The following SUCLG2 variants were observed in gnomAD, a reference collection of about 807,000 sequenced individuals.
The protein encoded by SUCLG2 is succinate-CoA ligase GDP-forming subunit beta, also known as succinate--CoA ligase [GDP-forming] subunit beta, mitochondrial.
Under a neutral mutation model 47.9 loss-of-function variants are expected in SUCLG2, and 42 were observed. The observed-to-expected ratio is 0.88, with a 90% confidence interval of 0.69 to 1.14. SUCLG2 has a LOEUF of 1.14. Ranked by LOEUF, SUCLG2 falls within the 50% of genes most tolerant of loss-of-function variation. The pLI is 0.00. For synonymous variants in SUCLG2, 195 were observed against 197.3 expected (o/e 0.99, Z 0.10); for missense variants, 571 against 525.9 (o/e 1.09, Z -0.84).
intron 9 of SUCLG2, among the ~76,000 whole-genome samples, chr3:67,434,946 A>G (rs1331518598): frequency 6.6e-6 from 1 of 152,210 alleles, no homozygotes; most frequent in Admixed American, 6.5e-5. Flanking sequence ...TAAGTTCTTC[A>G]CCAGTAACTA....
intron 6 of SUCLG2, among the ~76,000 whole-genome samples, chr3:67,511,497 G>A (rs1040658010): frequency 1.3e-5 from 2 of 152,032 alleles, no homozygotes; most frequent in African/African-American, 4.8e-5. Flanking sequence ...TATAAAGGGG[G>A]GGTTCCTCTG....
intron 2 of SUCLG2, among the ~76,000 whole-genome samples, chr3:67,567,297 AT>A (rs36047981): frequency 0.52 from 76,367 of 148,082 alleles, 19,476 homozygotes; most frequent in Admixed American, 0.57. Flanking sequence ...CTATATCAGG[AT>A]TTTTTTTTTT....
At chr3:67,467,867 C>T (rs554582517) in intron 9 of SUCLG2, among the ~76,000 whole-genome samples, 5 of 152,108 alleles carry the variant, frequency 3.3e-5, no homozygotes, top group African/African-American at 9.6e-5. Flanking sequence ...GGAAACAGAG[C>T]GGGAATTCCA....
chr3:67,560,739 C>G (rs191491582), intron 2 of SUCLG2, among the ~76,000 whole-genome samples: 1 of 152,118 alleles, frequency 6.6e-6, no homozygotes. Flanking sequence ...CTAGTGCCTC[C>G]TCCAAGTAAC....
chr3:67,488,480 A>G lies in SUCLG2; in HGVS notation c.1062+7318T>C, dbSNP rs570852293. On this transcript the variant is annotated intron_variant, in intron 9 of 10. Transcript: ENST00000307227. Reference sequence around the variant, plus strand: ...TGCTATACAGGAAAGGAATCAGTCCAAAGGATTTCAGCCTTGTTCTTCTGA... The same window carrying G: ...TGCTATACAGGAAAGGAATCAGTCCGAAGGATTTCAGCCTTGTTCTTCTGA... 2.6e-5 allele frequency among the ~76,000 whole-genome samples: 4 copies of G among 152,350 alleles called. No individual in the cohort carries two copies. The South Asian group carries it at 6.2e-4, about 24-fold the overall frequency.
At chr3:67,387,805 T>C (rs1702292767) in intron 10 of SUCLG2, among the ~76,000 whole-genome samples, 1 of 152,196 alleles carries the variant, frequency 6.6e-6, no homozygotes, top group Non-Finnish European at 1.5e-5. Flanking sequence ...CAGATTTGAA[T>C]CTTTTAACTA....
chr3:67,506,417 A>T lies in SUCLG2; in HGVS notation c.757+2390T>A, dbSNP rs189105362. Among the ~76,000 whole-genome samples, 90 of 152,362 alleles carry T rather than the reference A, an allele frequency of 5.9e-4. 1 individual carries two copies. The East Asian group carries it at 0.011, about 19-fold the overall frequency. ...AATAACTAAAGATAATTTTGCTCTT[A>T]AAAATATCACATAAGACTTATGTTT... On this transcript the variant is annotated intron_variant, in intron 7 of 10. Transcript: ENST00000307227.
chr3:67,363,107 A>G (rs1701827524), intron 10 of SUCLG2, among the ~76,000 whole-genome samples: 1 of 152,226 alleles, frequency 6.6e-6, no homozygotes, highest in Non-Finnish European at 1.5e-5. Flanking sequence ...CCAAACCCAA[A>G]TAAAGACATG....
chr3:67,614,551 C>A (rs1188729975), intron 1 of SUCLG2, among the ~76,000 whole-genome samples: 1 of 151,916 alleles, frequency 6.6e-6, no homozygotes, highest in East Asian at 1.9e-4. Flanking sequence ...ATCTTTCCGG[C>A]CCTTTGTTAA....
intron 9 of SUCLG2, among the ~76,000 whole-genome samples, chr3:67,435,032 C>G (rs1350995923): frequency 6.6e-6 from 1 of 152,116 alleles, no homozygotes; most frequent in Non-Finnish European, 1.5e-5. Flanking sequence ...CAAGGTCAAT[C>G]GTATAATAGC....
chr3:67,453,178 T>C (rs569983266), intron 9 of SUCLG2, among the ~76,000 whole-genome samples: 1 of 152,312 alleles, frequency 6.6e-6, no homozygotes, highest in African/African-American at 2.4e-5. Flanking sequence ...ATTTTCCTTT[T>C]CACAGGAATA....
At chr3:67,448,797 A>AAC (rs1703987980) in intron 9 of SUCLG2, among the ~76,000 whole-genome samples, 1 of 152,210 alleles carries the variant, frequency 6.6e-6, no homozygotes, top group Non-Finnish European at 1.5e-5. Context: ...TGCATGAAAA[A>AAC]ACACTATTTC....
chr3:67,366,063 C>T lies in SUCLG2; in HGVS notation c.1184-5295G>A, dbSNP rs549588178. 3.3e-5 allele frequency among the ~76,000 whole-genome samples: 5 copies of T among 152,270 alleles called. No individual in the cohort carries two copies. The South Asian group carries it at 1.0e-3, about 32-fold the overall frequency. On this transcript the variant is annotated intron_variant, in intron 10 of 10. Transcript: ENST00000493112. Reference sequence around the variant, plus strand: ...TCTTTTCAATGCCTAAAACCTGCCCCTAAAGACATAAAATCCCTCACACTA... The same window carrying T: ...TCTTTTCAATGCCTAAAACCTGCCCTTAAAGACATAAAATCCCTCACACTA...
chr3:67,412,092 A>G (rs138490846), intron 9 of SUCLG2, among the ~76,000 whole-genome samples: 73 of 152,314 alleles, frequency 4.8e-4, no homozygotes, highest in Non-Finnish European at 8.2e-4. Context: ...AAAATTACTA[A>G]TATCACTGTC....
chr3:67,475,738 G>C, intron 9 of SUCLG2, among the ~76,000 whole-genome samples: 1 of 149,650 alleles, frequency 6.7e-6, no homozygotes, highest in Admixed American at 6.6e-5. Flanking sequence ...TTTTGAGAGC[G>C]AGATGGAGTT....
rs1258034644 is a variant in SUCLG2 at position 67,380,857 on chromosome 3, A to AC, written c.1184-4999dup. ...CCAAGTGCCTTCCACACCAGCCCCT[A>AC]CCCTGATGCTGGCACCATCTCTTTG... On this transcript the variant is annotated intron_variant, in intron 10 of 10. Transcript: ENST00000307227. Among the ~76,000 whole-genome samples the AC allele has an allele frequency of 3.9e-5, 6 of 152,218 alleles. No individual in the cohort carries two copies. In the East Asian group the frequency reaches 7.7e-4, roughly 20 times the overall value.
intron 9 of SUCLG2, among the ~76,000 whole-genome samples, chr3:67,454,802 A>C (rs559206440): frequency 6.6e-6 from 1 of 152,060 alleles, no homozygotes; most frequent in Non-Finnish European, 1.5e-5. Context: ...CTCTACTAAA[A>C]ATACAAAAAA....
At chr3:67,627,491 G>A (rs776314398) in intron 1 of SUCLG2, among the ~76,000 whole-genome samples, 1 of 152,192 alleles carries the variant, frequency 6.6e-6, no homozygotes, top group Non-Finnish European at 1.5e-5. Context: ...CTAGACTTGG[G>A]CCATTATCAG....
chr3:67,616,230 G>C (rs570028355), intron 1 of SUCLG2, among the ~76,000 whole-genome samples: 1 of 152,142 alleles, frequency 6.6e-6, no homozygotes, highest in Non-Finnish European at 1.5e-5. Context: ...CGTTTGACGT[G>C]TTAACCACTG....
Sources: gnomAD v4.1 joint callset for allele counts (sites outside exome capture counted in the v4.1 genomes callset) on GRCh38, gnomAD v4.1.1 for gene constraint, MANE v1.5 for transcripts, NCBI Gene and HGNC (gene_info 2026-07-23, HGNC 2026-07-21) for gene names.